LPXN: variants seen among roughly 807,000 people sequenced by gnomAD.
LPXN encodes the protein leupaxin.
LPXN carries 28 observed loss-of-function variants against 45.6 expected under a neutral mutation model. That is an observed-to-expected ratio of 0.61 (90% CI 0.45 to 0.84). The LOEUF is 0.84. Among genes scored for constraint, LPXN ranks in the 40% least tolerant of loss-of-function variants. LPXN has a pLI of 0.00. For missense variants in LPXN, 459 were observed against 475.0 expected (o/e 0.97, Z 0.31); for synonymous variants, 166 against 169.9 (o/e 0.98, Z 0.18).
chr11:58,554,560 G>T (rs1854147053), intron 4 of LPXN, among the ~76,000 whole-genome samples: 1 of 152,130 alleles, frequency 6.6e-6, no homozygotes, highest in African/African-American at 2.4e-5. Flanking sequence ...TTCTATAAAT[G>T]TTAAGAAACT....
chr11:58,537,893 G>C (rs1382423651), intron 7 of LPXN, among the ~76,000 whole-genome samples: 1 of 148,808 alleles, frequency 6.7e-6, no homozygotes, highest in Non-Finnish European at 1.5e-5. Flanking sequence ...TTTAGCATTA[G>C]GTATATCTCC....
In LPXN at chr11:58,551,018, G is replaced by C. The variant is rs754440260; in HGVS notation, c.486+47C>G. 4.0e-6 allele frequency: 6 copies of C among 1,490,024 alleles called. No individual in the cohort carries two copies. The East Asian group carries it at 1.2e-4, about 31-fold the overall frequency. 92.3% of individuals were successfully genotyped at this position (1,490,024 alleles called of 1,614,324 possible). A position where few individuals can be genotyped will look rare whatever the true frequency, so the allele number is the denominator to read the frequency against. On this transcript the variant is annotated intron_variant, in intron 5 of 8. Transcript: ENST00000395074. ...GGAAAGAGCAAACCTTGATGAGACA[G>C]AGAGAGACAAAGAAGGCTGTAGGAC...
intron 7 of LPXN, among the ~76,000 whole-genome samples, chr11:58,530,029 C>G (rs940545013): frequency 6.6e-6 from 1 of 152,264 alleles, no homozygotes; most frequent in Non-Finnish European, 1.5e-5. Flanking sequence ...TTCCCATAGT[C>G]TTCACAAACC....
intron 7 of LPXN, among the ~76,000 whole-genome samples, chr11:58,528,603 T>G (rs576315002): frequency 6.6e-6 from 1 of 152,306 alleles, no homozygotes; most frequent in East Asian, 1.9e-4. Context: ...TTACCTTTAT[T>G]TAAAATCATC....
intron 1 of LPXN, among the ~76,000 whole-genome samples, chr11:58,574,226 C>T (rs973355789): frequency 6.6e-6 from 1 of 152,192 alleles, no homozygotes; most frequent in Non-Finnish European, 1.5e-5. Flanking sequence ...ATTTACCTAA[C>T]ATTTAGCCTG....
At chr11:58,528,784 T>A (rs1261991071) in intron 7 of LPXN, among the ~76,000 whole-genome samples, 2 of 152,208 alleles carry the variant, frequency 1.3e-5, no homozygotes, top group Non-Finnish European at 2.9e-5. Context: ...GGATGCAAGA[T>A]CTAAACACAA....
chr11:58,577,163 A>G (rs1048859963), upstream of LPXN, among the ~76,000 whole-genome samples: 1 of 151,366 alleles, frequency 6.6e-6, no homozygotes, highest in African/African-American at 2.4e-5. Context: ...TTTTGAAAGG[A>G]GATTCCTCCT....
chr11:58,571,113 G>A (rs986691076), intron 1 of LPXN, among the ~76,000 whole-genome samples: 14 of 152,130 alleles, frequency 9.2e-5, no homozygotes, highest in South Asian at 2.1e-4. Flanking sequence ...AGGCTGAGGC[G>A]GGAGGATCCC....
intron 7 of LPXN, among the ~76,000 whole-genome samples, chr11:58,536,912 G>A (rs1853570361): frequency 2.0e-5 from 3 of 151,410 alleles, no homozygotes; most frequent in African/African-American, 7.3e-5. Context: ...AAAAAAAAAA[G>A]CTCATCATCA....
chr11:58,572,458 T>C (rs1482708291), intron 1 of LPXN, among the ~76,000 whole-genome samples: 1 of 152,084 alleles, frequency 6.6e-6, no homozygotes, highest in African/African-American at 2.4e-5. Flanking sequence ...CATTAAAAAG[T>C]TGAGAGACTT....
At chr11:58,578,149 TAA>T, upstream of LPXN, 1 of 1,439,574 alleles carries the variant, frequency 6.9e-7, no homozygotes, top group Non-Finnish European at 9.3e-7. Flanking sequence ...AACGCCCAGA[TAA>T]AAAGTAAGAA....
intron 7 of LPXN, among the ~76,000 whole-genome samples, chr11:58,546,020 T>C (rs1251843918): frequency 6.6e-6 from 1 of 152,128 alleles, no homozygotes; most frequent in Non-Finnish European, 1.5e-5. Context: ...TACTCCCTCC[T>C]GAAACATCAT....
In LPXN at chr11:58,527,739, G is replaced by C. The variant is rs1367878632; in HGVS notation, c.892-16C>G. On this transcript the variant is annotated splice_polypyrimidine_tract_variant and intron_variant, in intron 8 of 8. Transcript: ENST00000395074. ...TGAAGCAGTCCTGGGGTAGAGAGAAGAGAGAGAAAAAGAATGCAAATGTCA... is the reference window on the plus strand; with the variant it reads ...TGAAGCAGTCCTGGGGTAGAGAGAACAGAGAGAAAAAGAATGCAAATGTCA... 8 of 1,605,920 alleles carry C rather than the reference G, an allele frequency of 5.0e-6. No individual in the cohort carries two copies. The highest frequency in any genetic ancestry group is 1.3e-5 in the African/African-American group (1 of 74,580).
At chr11:58,539,580 T>A (rs1229803663) in intron 7 of LPXN, among the ~76,000 whole-genome samples, 1 of 152,038 alleles carries the variant, frequency 6.6e-6, no homozygotes, top group Non-Finnish European at 1.5e-5. Context: ...TGACCTCAGA[T>A]AAAAAAATTT....
At chr11:58,547,493 C>G (rs1208686542) in intron 7 of LPXN, among the ~76,000 whole-genome samples, 2 of 152,166 alleles carry the variant, frequency 1.3e-5, no homozygotes, top group Non-Finnish European at 2.9e-5. Context: ...TAACAACAAT[C>G]CTAGACAAGT....
intron 3 of LPXN, among the ~76,000 whole-genome samples, chr11:58,562,702 C>A (rs1854413756): frequency 6.6e-6 from 1 of 152,130 alleles, no homozygotes; most frequent in African/African-American, 2.4e-5. Context: ...GAGCTAGGGG[C>A]CCAAGTCAAC....
At chr11:58,545,791 T>C (rs1853860342) in intron 7 of LPXN, among the ~76,000 whole-genome samples, 1 of 152,204 alleles carries the variant, frequency 6.6e-6, no homozygotes, top group East Asian at 1.9e-4. Flanking sequence ...ATACCCAAGT[T>C]GAAATCTTGC....
chr11:58,569,081 T>C (rs1199190171), intron 2 of LPXN, among the ~76,000 whole-genome samples: 1 of 152,212 alleles, frequency 6.6e-6, no homozygotes, highest in Non-Finnish European at 1.5e-5. Context: ...GTTAAAATTG[T>C]GTATGTGTCT....
At chr11:58,539,480 G>C (rs149575053) in intron 7 of LPXN, among the ~76,000 whole-genome samples, 3 of 152,220 alleles carry the variant, frequency 2.0e-5, no homozygotes, top group African/African-American at 7.2e-5. Flanking sequence ...TGACAAGTTA[G>C]GCCTGATATA....
Sources: allele counts gnomAD v4.1 joint callset (sites outside exome capture counted in the v4.1 genomes callset), GRCh38; gene constraint gnomAD v4.1.1; transcripts MANE v1.5; gene names NCBI Gene and HGNC (gene_info 2026-07-23, HGNC 2026-07-21).